THSD4: variants seen among roughly 807,000 people sequenced by gnomAD.
THSD4 encodes thrombospondin type 1 domain containing 4, also known as thrombospondin type-1 domain-containing protein 4.
In THSD4, 69 loss-of-function variants were observed where a neutral mutation model predicts 119.0. The observed-to-expected ratio is 0.58, with a 90% CI of 0.48 to 0.71. The LOEUF is 0.71. THSD4 is among the 30% of genes least tolerant of loss of function. The probability of loss-of-function intolerance (pLI) is 0.00; values close to 1 mark genes in which losing one functional copy is unlikely to be tolerated. For synonymous variants in THSD4, 524 were observed against 540.4 expected, an observed-to-expected ratio of 0.97 and a Z score of 0.42; for missense variants, 1,393 against 1,391.1, an observed-to-expected ratio of 1.00 and a Z score of -0.02.
At chr15:71,641,174 C>T (rs1158029007) in intron 7 of THSD4, among the ~76,000 whole-genome samples, 1 of 152,172 alleles carries the variant, frequency 6.6e-6, no homozygotes, top group East Asian at 1.9e-4. Context: ...AAGCCCTTTA[C>T]AGAGATTATA....
intron 15 of THSD4, among the ~76,000 whole-genome samples, chr15:71,760,302 G>T (rs992515865): frequency 3.9e-5 from 6 of 152,158 alleles, no homozygotes; most frequent in Non-Finnish European, 8.8e-5. Flanking sequence ...CCCTACTGAG[G>T]CTTGTGCAAA....
At chr15:71,509,884 C>T (rs2048252073) in intron 7 of THSD4, among the ~76,000 whole-genome samples, 1 of 152,160 alleles carries the variant, frequency 6.6e-6, no homozygotes, top group African/African-American at 2.4e-5. Flanking sequence ...ACATTTAAAT[C>T]TGGTTGTTGT....
intron 2 of THSD4, among the ~76,000 whole-genome samples, chr15:71,141,825 C>T (rs866704050): frequency 2.0e-5 from 3 of 152,204 alleles, no homozygotes; most frequent in South Asian, 2.1e-4. Flanking sequence ...TTTTTTAGGC[C>T]GGATGCAGTG....
chr15:71,415,697 C>T (rs1199796926), intron 7 of THSD4, among the ~76,000 whole-genome samples: 1 of 152,162 alleles, frequency 6.6e-6, no homozygotes, highest in Non-Finnish European at 1.5e-5. Flanking sequence ...CTACCCTTCC[C>T]AGCCTCTGGT....
intron 1 of THSD4, among the ~76,000 whole-genome samples, chr15:71,123,515 G>A (rs2040425996): frequency 6.6e-6 from 1 of 152,220 alleles, no homozygotes; most frequent in Non-Finnish European, 1.5e-5. Flanking sequence ...GTGAACACTA[G>A]AACTTCTTTC....
At chr15:71,395,926 CACACACACACACACACACACACACACAA>C (rs2046446669) in intron 6 of THSD4, among the ~76,000 whole-genome samples, 1 of 149,366 alleles carries the variant, frequency 6.7e-6, no homozygotes, top group Non-Finnish European at 1.5e-5. Context: ...CACACACACA[CACACACACACACACACACACACACACAA>C]ACACAGACTT....
At chr15:71,363,678 T>TTC (rs1353772992) in intron 6 of THSD4, among the ~76,000 whole-genome samples, 2 of 152,136 alleles carry the variant, frequency 1.3e-5, no homozygotes, top group Non-Finnish European at 2.9e-5. Context: ...TTACAACTGG[T>TTC]TCAAAGGAGA....
intron 7 of THSD4, among the ~76,000 whole-genome samples, chr15:71,528,909 C>A (rs1408623101): frequency 6.6e-6 from 1 of 152,198 alleles, no homozygotes; most frequent in Non-Finnish European, 1.5e-5. Flanking sequence ...ACTTAGATAA[C>A]AGCTATGAAC....
intron 6 of THSD4, among the ~76,000 whole-genome samples, chr15:71,373,831 A>C (rs2046094212): frequency 1.3e-5 from 2 of 152,218 alleles, no homozygotes; most frequent in African/African-American, 4.8e-5. Flanking sequence ...GTTCCCGTTG[A>C]GAGTGAGTGA....
At chr15:71,294,557 A>G (rs2044836963) in intron 6 of THSD4, among the ~76,000 whole-genome samples, 1 of 152,098 alleles carries the variant, frequency 6.6e-6, no homozygotes. Context: ...CCCCATCCGG[A>G]CACAGGCTGC....
chr15:71,594,931 GGTGACATCTGAGCTAGGT>G lies in THSD4; in HGVS notation c.1153-65596_1153-65579del, dbSNP rs547220754. 3.3e-3 allele frequency among the ~76,000 whole-genome samples: 503 copies of G among 152,302 alleles called. 1 individual carries two copies. Among genetic ancestry groups the G allele is most frequent in the Non-Finnish European group, 5.5e-3 (376 of 68,036 alleles). Reference sequence around the variant, plus strand: ...GGATTGGGGAAGGCTTCTCTGAAGAGGTGACATCTGAGCTAGGTGTCAAAGAAGAAGGAAGCATTTACC... The same window carrying G: ...GGATTGGGGAAGGCTTCTCTGAAGAGGTCAAAGAAGAAGGAAGCATTTACC... On this transcript the variant is annotated intron_variant, in intron 7 of 17. Coordinates refer to ENST00000261862, the MANE Select transcript of THSD4 (RefSeq NM_024817.3).
intron 7 of THSD4, among the ~76,000 whole-genome samples, chr15:71,587,854 G>T (rs2049711810): frequency 6.7e-6 from 1 of 149,762 alleles, no homozygotes; most frequent in Non-Finnish European, 1.5e-5. Context: ...CATTTTATAG[G>T]TAAAGAAAAT....
intron 7 of THSD4, among the ~76,000 whole-genome samples, chr15:71,448,485 C>CCG (rs2140575195): frequency 6.6e-6 from 1 of 152,258 alleles, no homozygotes; most frequent in East Asian, 1.9e-4. Context: ...GAAACAGAAA[C>CCG]CGTATTTGCG....
intron 7 of THSD4, among the ~76,000 whole-genome samples, chr15:71,652,696 G>A (rs945949565): frequency 6.6e-6 from 1 of 152,106 alleles, no homozygotes; most frequent in African/African-American, 2.4e-5. Flanking sequence ...TATCCTACAA[G>A]AGCGCCAACA....
At chr15:71,584,233 C>T (rs931106240) in intron 7 of THSD4, among the ~76,000 whole-genome samples, 16 of 145,786 alleles carry the variant, frequency 1.1e-4, no homozygotes, top group African/African-American at 3.5e-4. Context: ...TTTTTGGTTA[C>T]CATTCACGTG....
intron 1 of THSD4, among the ~76,000 whole-genome samples, chr15:71,119,121 T>A (rs1454700687): frequency 6.6e-6 from 1 of 152,190 alleles, no homozygotes. Context: ...GACATCAGCA[T>A]CTGCCTTGTA....
At chr15:71,577,298 T>G (rs1457960073) in intron 7 of THSD4, among the ~76,000 whole-genome samples, 1 of 152,234 alleles carries the variant, frequency 6.6e-6, no homozygotes, top group African/African-American at 2.4e-5. Context: ...TCCACTGATC[T>G]GTGTGTTCTG....
chr15:71,436,701 T>C (rs1299118954), intron 7 of THSD4, among the ~76,000 whole-genome samples: 1 of 152,192 alleles, frequency 6.6e-6, no homozygotes, highest in East Asian at 1.9e-4. Context: ...ATACAAAATT[T>C]ATTCTAACAT....
chr15:71,395,732 C>A (rs4429242), intron 6 of THSD4, among the ~76,000 whole-genome samples: 104,695 of 151,100 alleles, frequency 0.69, 37,182 homozygotes, highest in Middle Eastern at 0.87. Context: ...ACAGAACAAG[C>A]CCCTGTCCCC....
Sources: allele counts gnomAD v4.1 joint callset (sites outside exome capture counted in the v4.1 genomes callset), GRCh38; gene constraint gnomAD v4.1.1; transcripts MANE v1.5; gene names NCBI Gene and HGNC (gene_info 2026-07-23, HGNC 2026-07-21).